SLC9A6: variants seen among roughly 807,000 people sequenced by gnomAD.
SLC9A6 encodes the protein solute carrier family 9 member A6, also known as sodium/hydrogen exchanger 6.
A neutral mutation model predicts 45.3 loss-of-function variants in SLC9A6; 6 were observed. The ratio of observed to expected loss-of-function variants is 0.13; its 90% CI spans 0.07 to 0.26. The LOEUF is 0.26. SLC9A6 is among the 10% of genes least tolerant of loss of function. The pLI is 1.00. For missense variants in SLC9A6, 278 were observed against 503.7 expected (o/e 0.55, Z 4.29); for synonymous variants, 191 against 187.7 (o/e 1.02, Z -0.14).
chrX:136,023,241 G>C (rs1021630839), intron 12 of SLC9A6, among the ~76,000 whole-genome samples: 7 of 68,729 alleles, frequency 1.0e-4, no homozygotes, highest in Non-Finnish European at 1.9e-4. Context: ...ATTCCCTTCT[G>C]TGGGAATTTT....
intron 2 of SLC9A6, among the ~76,000 whole-genome samples, chrX:135,986,703 T>C (rs1220778203): frequency 1.8e-5 from 2 of 110,469 alleles, no homozygotes; most frequent in East Asian, 5.6e-4. Flanking sequence ...TGAGGTTTAT[T>C]ATTATTATTA....
intron 2 of SLC9A6, among the ~76,000 whole-genome samples, chrX:135,992,056 G>T (rs781884027): frequency 8.9e-6 from 1 of 111,858 alleles, no homozygotes; most frequent in East Asian, 2.8e-4. Context: ...AACTATGCGT[G>T]TGTCACAAGT....
chrX:136,016,653 G>T lies in SLC9A6; in HGVS notation c.1089G>T (p.Glu363Asp). The T allele has an allele frequency of 8.7e-7, 1 of 1,143,187 alleles. No homozygotes were observed. Among genetic ancestry groups the T allele is most frequent in the Non-Finnish European group, 1.2e-6 (1 of 833,028 alleles). 94.2% of individuals were successfully genotyped at this position (1,143,187 alleles called of 1,213,427 possible). A position where few individuals can be genotyped will look rare whatever the true frequency, so the allele number is the denominator to read the frequency against. The change falls in exon 11 of 18, where the codon GAG becomes GAT. Residue 363 changes from glutamate to aspartate, a missense_variant. Around this residue, in one of 5 missense-constraint regions of SLC9A6, gnomAD observed 41 missense variants for 51.8 expected, o/e 0.79. Transcript: ENST00000630721. ...TTACAATTTCGTTTCAGTTGTTTGA[G>T]CTTCTCAATTTCTTGGCAGAGAATT... ...ESQHRTKQLF[E>D]LLNFLAENFI...
At chrX:135,994,740 A>G (rs1406854529) in intron 2 of SLC9A6, 46 bp from the exon 3 acceptor site, 2 of 1,130,499 alleles carry the variant, frequency 1.8e-6, no homozygotes, top group African/African-American at 3.6e-5. Context: ...GTACAAAAGA[A>G]GTGGTCTCTG....
At chrX:136,026,396 C>T (rs782794314) in intron 13 of SLC9A6, among the ~76,000 whole-genome samples, 1 of 112,009 alleles carries the variant, frequency 8.9e-6, no homozygotes, top group South Asian at 3.7e-4. Flanking sequence ...TACCTACCTC[C>T]TTGGGTTGTT....
chrX:135,985,749 C>G lies in SLC9A6; in HGVS notation c.91C>G (p.Leu31Val), dbSNP rs782123546. ...NLLIFILLLT[L>V]TILTIWLFKH... Reference sequence around the variant, plus strand: ...GCTCATCTTCATCCTGCTGCTCACCCTCACCATTCTCACAATCTGGCTCTT... The same window carrying G: ...GCTCATCTTCATCCTGCTGCTCACCGTCACCATTCTCACAATCTGGCTCTT... The change falls in exon 2 of 18, where the codon CTC becomes GTC. Residue 31 changes from leucine (L) to valine (V), a missense_variant. By Grantham distance (32) the Leu-to-Val change is conservative. Coordinates refer to ENST00000630721, the MANE Select transcript of SLC9A6 (RefSeq NM_001379110.1). The G allele has an allele frequency of 1.4e-5, 17 of 1,211,511 alleles. No individual in the cohort carries two copies. The highest frequency in any genetic ancestry group is 1.9e-5 in the Non-Finnish European group (17 of 895,346).
At chrX:135,989,059 T>A (rs782189330) in intron 2 of SLC9A6, among the ~76,000 whole-genome samples, 2 of 111,631 alleles carry the variant, frequency 1.8e-5, no homozygotes, top group South Asian at 7.5e-4. Context: ...CAAAATGGGA[T>A]GCCTAGACCT....
At chrX:136,029,069 G>A in intron 14 of SLC9A6, 94 bp downstream of exon 14, 1 of 277,127 alleles carries the variant, frequency 3.6e-6, no homozygotes, top group Non-Finnish European at 6.3e-6. Context: ...CTGCTTGAAG[G>A]GGTCGTAGAA....
At chrX:136,040,457 C>T (rs1384024357) in intron 17 of SLC9A6, among the ~76,000 whole-genome samples, 2 of 112,145 alleles carry the variant, frequency 1.8e-5, no homozygotes, top group Non-Finnish European at 3.8e-5. Flanking sequence ...TCCCTGCTGG[C>T]TTTCATTTCT....
chrX:135,985,579 G>A, intron 1 of SLC9A6, 24 bp from the exon 2 acceptor site: 1 of 1,203,621 alleles, frequency 8.3e-7, no homozygotes. Flanking sequence ...AGGCTCATGC[G>A]GCCCCTTTGG....
chrX:136,043,601 C>A (rs782709040), intron 17 of SLC9A6, among the ~76,000 whole-genome samples: 5 of 111,722 alleles, frequency 4.5e-5, no homozygotes, highest in Non-Finnish European at 7.5e-5. Flanking sequence ...TAGAATGATC[C>A]TTTCTCTTTA....
intron 8 of SLC9A6, 71 bp from the exon 9 acceptor site, chrX:136,012,878 G>A: frequency 1.3e-6 from 1 of 789,315 alleles, no homozygotes; most frequent in African/African-American, 2.0e-5. Context: ...TGGTTGCCTT[G>A]CTTAAACTGT....
chrX:136,031,200 C>T (rs894748859), intron 15 of SLC9A6, among the ~76,000 whole-genome samples: 1 of 111,762 alleles, frequency 8.9e-6, no homozygotes, highest in Non-Finnish European at 1.9e-5. Context: ...TTCCTCAGTG[C>T]CTCCTCCCTG....
chrX:135,976,463 G>A (rs375281599), intron 1 of SLC9A6, among the ~76,000 whole-genome samples: 7 of 110,053 alleles, frequency 6.4e-5, no homozygotes, highest in Non-Finnish European at 1.3e-4. Context: ...TTTGCCGGGC[G>A]TGGTGGTGGG....
chrX:136,019,897 C>T (rs1472563413), intron 11 of SLC9A6, among the ~76,000 whole-genome samples: 2 of 111,985 alleles, frequency 1.8e-5, no homozygotes, highest in Admixed American at 9.5e-5. Context: ...GTGACAGTTT[C>T]TCATATGTGT....
upstream of SLC9A6, among the ~76,000 whole-genome samples, chrX:135,983,067 T>C (rs1556614350): frequency 9.0e-6 from 1 of 110,858 alleles, no homozygotes; most frequent in Non-Finnish European, 1.9e-5. Flanking sequence ...AGGAAGTCAA[T>C]AAGTGAGGAC....
At chrX:136,034,292 CTAGGTT>C (rs2071377965) in intron 16 of SLC9A6, among the ~76,000 whole-genome samples, 1 of 110,131 alleles carries the variant, frequency 9.1e-6, no homozygotes. Flanking sequence ...TGCGAGGGAT[CTAGGTT>C]ACATACTCCT....
intron 10 of SLC9A6, among the ~76,000 whole-genome samples, chrX:136,014,940 G>A (rs1556619112): frequency 8.9e-6 from 1 of 112,755 alleles, no homozygotes; most frequent in Non-Finnish European, 1.9e-5. Flanking sequence ...AATGGTTTGA[G>A]GCTTGAGGAT....
At chrX:135,974,089 AG>A (rs2089241605), upstream of SLC9A6, 1 of 22,205 alleles carries the variant, frequency 4.5e-5, no homozygotes, top group Non-Finnish European at 9.0e-5. Context: ...GGGGCGGGGT[AG>A]GCAGACGGGC....
Sources: allele counts gnomAD v4.1 joint callset (sites outside exome capture counted in the v4.1 genomes callset), GRCh38; gene constraint gnomAD v4.1.1; regional missense constraint gnomAD v4.1.1; transcripts MANE v1.5; gene names NCBI Gene and HGNC (gene_info 2026-07-23, HGNC 2026-07-21).